DPYD: variants seen among roughly 807,000 people sequenced by gnomAD.
DPYD encodes dihydropyrimidine dehydrogenase.
In DPYD, 109 loss-of-function variants were observed where a neutral mutation model predicts 116.2. The observed-to-expected ratio is 0.94, with a 90% CI of 0.80 to 1.10. DPYD has a LOEUF of 1.10. Among genes scored for constraint, DPYD ranks in the 50% least tolerant of loss-of-function variants. The probability of loss-of-function intolerance (pLI) is 0.00; values close to 1 mark genes in which losing one functional copy is unlikely to be tolerated. For missense variants in DPYD, 1,302 were observed against 1,254.5 expected (o/e 1.04, Z -0.57); for synonymous variants, 440 against 432.0 (o/e 1.02, Z -0.23).
intron 14 of DPYD, among the ~76,000 whole-genome samples, chr1:97,418,052 T>G (rs1456011992): frequency 6.6e-6 from 1 of 152,214 alleles, no homozygotes; most frequent in Non-Finnish European, 1.5e-5. Flanking sequence ...AAAAAGTATT[T>G]TGTGGAAGGA....
chr1:97,651,378 G>T (rs938811458), intron 8 of DPYD, among the ~76,000 whole-genome samples: 1 of 152,100 alleles, frequency 6.6e-6, no homozygotes, highest in East Asian at 1.9e-4. Flanking sequence ...TTTTTCACAT[G>T]TTGCATCTCA....
rs780421257 is a variant in DPYD, at chr1:97,515,795, T to C, written c.1671A>G (p.Thr557=). ...GLASATPATS[T]SMIRRAFEAG... is the part of the protein sequence containing the mutation. ...CTTCAAAAGCTCTTCGAATCATTGA[T>C]GTGCTGGTGGCTGGAGTTGCGCTAG... Residue 557 remains threonine, a synonymous_variant, in exon 13 of 23, where the codon ACA becomes ACG. Coordinates refer to ENST00000370192, the MANE Select transcript of DPYD (RefSeq NM_000110.4). 16 of 1,613,016 alleles carry C rather than the reference T, an allele frequency of 9.9e-6. No individual in the cohort carries two copies. The highest frequency in any genetic ancestry group is 3.3e-4 in the Middle Eastern group (2 of 6,054).
chr1:97,856,472 A>G (rs1456463157), intron 2 of DPYD: 1 of 152,256 alleles, frequency 6.6e-6, no homozygotes, highest in Non-Finnish European at 1.5e-5. Context: ...AAAATACTCA[A>G]ATAACAGGTT....
chr1:97,120,609 T>G (rs1391813189), intron 20 of DPYD, among the ~76,000 whole-genome samples: 1 of 152,202 alleles, frequency 6.6e-6, no homozygotes, highest in Non-Finnish European at 1.5e-5. Flanking sequence ...GCCACGACTT[T>G]ACCTTGTCAA....
chr1:97,636,398 C>A (rs1289158593), intron 8 of DPYD, among the ~76,000 whole-genome samples: 1 of 152,000 alleles, frequency 6.6e-6, no homozygotes, highest in Non-Finnish European at 1.5e-5. Flanking sequence ...TGAGTCCTAC[C>A]GCTTACAGCT....
intron 3 of DPYD, among the ~76,000 whole-genome samples, chr1:97,807,494 CTTA>C (rs1358288708): frequency 6.6e-6 from 1 of 151,896 alleles, no homozygotes; most frequent in Non-Finnish European, 1.5e-5. Flanking sequence ...AGGTTATTTT[CTTA>C]TTGTTGGATT....
chr1:97,125,745 C>A (rs1182596828), intron 20 of DPYD, among the ~76,000 whole-genome samples: 1 of 152,024 alleles, frequency 6.6e-6, no homozygotes, highest in East Asian at 1.9e-4. Context: ...CCTCTTTCTA[C>A]CATGTGAAGT....
At position 97,881,454 on chromosome 1, in the gene DPYD, C is replaced by T. The variant is rs184947045; in HGVS notation, c.150+1810G>A. Reference sequence around the variant, plus strand: ...GCATCCGTAGGTATAAATAGCATCCCTAGGTATAGCATCACAGGTCCAAAT... The same window carrying T: ...GCATCCGTAGGTATAAATAGCATCCTTAGGTATAGCATCACAGGTCCAAAT... On this transcript the variant is annotated intron_variant, in intron 2 of 22. Transcript: ENST00000370192. Among the ~76,000 whole-genome samples, 608 of 152,040 alleles carry T rather than the reference C, an allele frequency of 4.0e-3. 2 individuals are homozygous for T. The highest frequency in any genetic ancestry group is 6.7e-3 in the Admixed American group (102 of 15,236).
In DPYD at chr1:97,295,078, T is replaced by A. The variant is rs975195687; in HGVS notation, c.2299+10181A>T. ...CCTAAAAGTTCATTTTGGAGAAAGA[T>A]CTGAGTATGAACCCAGACTATGACA... On this transcript the variant is annotated intron_variant, in intron 18 of 22. Transcript: ENST00000370192. 7.2e-5 allele frequency among the ~76,000 whole-genome samples: 11 copies of A among 152,294 alleles called. No homozygotes were observed. In the South Asian group the frequency reaches 2.1e-3, roughly 29 times the overall value.
At chr1:97,360,485 A>C in intron 16 of DPYD, among the ~76,000 whole-genome samples, 1 of 152,188 alleles carries the variant, frequency 6.6e-6, no homozygotes, top group Non-Finnish European at 1.5e-5. Flanking sequence ...CTCCACCCCA[A>C]ATCAACAGAA....
intron 1 of DPYD, among the ~76,000 whole-genome samples, chr1:97,893,815 C>T (rs1246928501): frequency 6.6e-6 from 1 of 151,528 alleles, no homozygotes; most frequent in African/African-American, 2.4e-5. Context: ...CAGTGTGTGA[C>T]TCTCCTTCAC....
chr1:97,383,557 T>C (rs1309356449), intron 14 of DPYD, among the ~76,000 whole-genome samples: 2 of 152,092 alleles, frequency 1.3e-5, no homozygotes, highest in African/African-American at 4.8e-5. Flanking sequence ...TCTTACAGTG[T>C]GCTTGGCACT....
chr1:97,351,489 G>A (rs1163485485), intron 16 of DPYD, among the ~76,000 whole-genome samples: 1 of 152,068 alleles, frequency 6.6e-6, no homozygotes, highest in African/African-American at 2.4e-5. Flanking sequence ...ATAAATCATG[G>A]AATGAAAGAA....
At chr1:97,221,135 T>A (rs1660743960) in intron 19 of DPYD, among the ~76,000 whole-genome samples, 1 of 152,182 alleles carries the variant, frequency 6.6e-6, no homozygotes, top group Non-Finnish European at 1.5e-5. Context: ...ATATCTCACT[T>A]ATAAAATTAT....
At chr1:97,297,068 G>A (rs894613900) in intron 18 of DPYD, among the ~76,000 whole-genome samples, 8 of 152,102 alleles carry the variant, frequency 5.3e-5, no homozygotes, top group African/African-American at 1.9e-4. Context: ...GGTTTATAAC[G>A]TTTTAATTGT....
chr1:97,448,249 A>T (rs1314500105), intron 14 of DPYD, among the ~76,000 whole-genome samples: 1 of 152,184 alleles, frequency 6.6e-6, no homozygotes, highest in East Asian at 1.9e-4. Flanking sequence ...TTTAAGGACA[A>T]CATAGGCAAA....
chr1:97,656,213 A>G (rs922885580), intron 8 of DPYD, among the ~76,000 whole-genome samples: 2 of 152,156 alleles, frequency 1.3e-5, no homozygotes, highest in Non-Finnish European at 2.9e-5. Context: ...CAGCAAGAAG[A>G]AGGAGAATAA....
At chr1:97,600,037 T>C (rs1655153704) in intron 8 of DPYD, among the ~76,000 whole-genome samples, 1 of 151,898 alleles carries the variant, frequency 6.6e-6, no homozygotes, top group Non-Finnish European at 1.5e-5. Flanking sequence ...AGAGTGAGAC[T>C]CTGTCTCAAA....
At chr1:97,867,795 TC>T (rs1195318878) in intron 2 of DPYD, among the ~76,000 whole-genome samples, 2 of 151,852 alleles carry the variant, frequency 1.3e-5, no homozygotes, top group Admixed American at 1.3e-4. Context: ...TGAAAGCTTT[TC>T]CTCTAAGATC....
Sources: allele counts gnomAD v4.1 joint callset (sites outside exome capture counted in the v4.1 genomes callset), GRCh38; gene constraint gnomAD v4.1.1; transcripts MANE v1.5; gene names NCBI Gene and HGNC (gene_info 2026-07-23, HGNC 2026-07-21).